The following SCARA3 variants were observed in gnomAD, a reference collection of about 807,000 sequenced individuals.
SCARA3 encodes scavenger receptor class A member 3.
A neutral mutation model predicts 47.0 loss-of-function variants in SCARA3; 39 were observed. That is an observed-to-expected ratio of 0.83 (90% CI 0.64 to 1.08). SCARA3 has a LOEUF of 1.08. SCARA3 is among the 50% of genes least tolerant of loss of function. SCARA3 has a pLI of 0.00. For missense variants in SCARA3, 724 were observed against 792.3 expected, an observed-to-expected ratio of 0.91 and a Z score of 1.04; for synonymous variants, 356 against 334.1, an observed-to-expected ratio of 1.07 and a Z score of -0.71.
At chr8:27,663,441 C>T (rs766585728) in intron 5 of SCARA3, among the ~76,000 whole-genome samples, 3 of 152,212 alleles carry the variant, frequency 2.0e-5, no homozygotes, top group Non-Finnish European at 4.4e-5. Context: ...CTTTATGTAA[C>T]TTATGTGTGC....
chr8:27,703,849 T>G, the SCARA3 span: 8 of 60,392 alleles, frequency 1.3e-4, no homozygotes, highest in African/African-American at 5.5e-4. Flanking sequence ...TTCTACTTTT[T>G]TTTTTTTTTT....
chr8:27,633,842 G>T, upstream of SCARA3: 1 of 153,448 alleles, frequency 6.5e-6, no homozygotes, highest in South Asian at 1.8e-4. Flanking sequence ...GGAGGGAGAG[G>T]GAGAGGAGAA....
chr8:27,725,221 A>C, the SCARA3 span, among the ~76,000 whole-genome samples: 1 of 152,306 alleles, frequency 6.6e-6, no homozygotes, highest in South Asian at 2.1e-4. Flanking sequence ...CATCAGAGAT[A>C]AAAGATATGA....
At chr8:27,727,680 T>C in the SCARA3 span, among the ~76,000 whole-genome samples, 1 of 152,224 alleles carries the variant, frequency 6.6e-6, no homozygotes, top group Non-Finnish European at 1.5e-5. Context: ...TTGTTTGGCC[T>C]ATACAATATT....
chr8:27,650,846 C>T (rs1422930672), intron 2 of SCARA3, among the ~76,000 whole-genome samples: 1 of 152,124 alleles, frequency 6.6e-6, no homozygotes, highest in African/African-American at 2.4e-5. Context: ...TTCTGGTTTG[C>T]CAGGGACTGA....
chr8:27,646,305 G>A (rs944076118), intron 1 of SCARA3, among the ~76,000 whole-genome samples: 7 of 152,182 alleles, frequency 4.6e-5, no homozygotes, highest in Admixed American at 6.5e-5. Context: ...GGAAAGCCTC[G>A]TTAGCAATTT....
At chr8:27,725,375 TTTATA>T in the SCARA3 span, among the ~76,000 whole-genome samples, 2 of 149,088 alleles carry the variant, frequency 1.3e-5, no homozygotes, top group Non-Finnish European at 1.5e-5. Context: ...ACATATAATA[TTTATA>T]TTATATTTAT....
At chr8:27,716,205 TG>T in the SCARA3 span, among the ~76,000 whole-genome samples, 1 of 152,082 alleles carries the variant, frequency 6.6e-6, no homozygotes, top group Non-Finnish European at 1.5e-5. Flanking sequence ...CCCAGCTACT[TG>T]GGAGGCTGAG....
chr8:27,679,201 A>ATACT (rs57559111), downstream of SCARA3, among the ~76,000 whole-genome samples: 18,286 of 150,894 alleles, frequency 0.12, 1,511 homozygotes, highest in East Asian at 0.25. Flanking sequence ...ATACCACAAT[A>ATACT]TACTTACTTA....
At position 27,671,419 on chromosome 8, in the gene SCARA3, A is replaced by G; in HGVS notation, c.*68A>G. 1 of 1,343,376 alleles carries G rather than the reference A, an allele frequency of 7.4e-7. No individual in the cohort carries two copies. The highest frequency in any genetic ancestry group is 9.5e-7 in the Non-Finnish European group (1 of 1,052,782). The allele number at this position is 1,343,376 out of a possible 1,614,324, so 83.2% of individuals were successfully genotyped here. A position where few individuals can be genotyped will look rare whatever the true frequency, so the allele number is the denominator to read the frequency against. Reference sequence around the variant, plus strand: ...GGCGCAGAGCAGATCCAGGCCCCAGAAAGCCTCACCTACAGACAGCTGTGG... The same window carrying G: ...GGCGCAGAGCAGATCCAGGCCCCAGGAAGCCTCACCTACAGACAGCTGTGG... On this transcript the variant is annotated 3_prime_UTR_variant, in exon 6 of 6. Coordinates refer to ENST00000301904, the MANE Select transcript of SCARA3 (RefSeq NM_016240.3).
chr8:27,643,283 GCAGC>G (rs1801421978), intron 1 of SCARA3, among the ~76,000 whole-genome samples: 1 of 152,202 alleles, frequency 6.6e-6, no homozygotes, highest in South Asian at 2.1e-4. Flanking sequence ...AGGGTGGGAG[GCAGC>G]CAAAGGGATT....
At chr8:27,696,779 C>A in the SCARA3 span, among the ~76,000 whole-genome samples, 1 of 152,024 alleles carries the variant, frequency 6.6e-6, no homozygotes, top group Non-Finnish European at 1.5e-5. Context: ...TGAGCCTGAC[C>A]AGTTTGTTTT....
At chr8:27,719,298 A>G in the SCARA3 span, among the ~76,000 whole-genome samples, 2 of 152,196 alleles carry the variant, frequency 1.3e-5, no homozygotes, top group East Asian at 1.9e-4. Flanking sequence ...CAAATACTGC[A>G]TGTTCTCACA....
rs577258964 is a variant in SCARA3, at chr8:27,660,330, A to C, written c.1369+791A>C. Among the ~76,000 whole-genome samples, 8 of 152,312 alleles carry C rather than the reference A, an allele frequency of 5.3e-5. No homozygotes were observed. In the East Asian group the frequency reaches 1.3e-3, roughly 26 times the overall value. On this transcript the variant is annotated intron_variant, in intron 5 of 5. Coordinates refer to ENST00000301904, the MANE Select transcript of SCARA3 (RefSeq NM_016240.3). Reference sequence around the variant, plus strand: ...AGAGAGATAGACCCAGAGAAACAGAATCAATAGTGTATAGAGATGATAGAT... The same window carrying C: ...AGAGAGATAGACCCAGAGAAACAGACTCAATAGTGTATAGAGATGATAGAT...
At position 27,660,799 on chromosome 8, in the gene SCARA3, G is replaced by A. The variant is rs150914552; in HGVS notation, c.1369+1260G>A. Among the ~76,000 whole-genome samples the A allele has an allele frequency of 1.5e-3, 227 of 151,412 alleles. 6 individuals are homozygous for A. The East Asian group carries it at 0.023, about 15-fold the overall frequency. ...TGATAGAAACAGAGATGATAGGGAT[G>A]AGATAGATAGAAAATAGATATAGAT... On this transcript the variant is annotated intron_variant, in intron 5 of 5. Coordinates refer to ENST00000301904, the MANE Select transcript of SCARA3 (RefSeq NM_016240.3).
chr8:27,670,698 G>A (rs570996299), intron 5 of SCARA3, among the ~76,000 whole-genome samples: 26 of 152,166 alleles, frequency 1.7e-4, no homozygotes, highest in Non-Finnish European at 3.5e-4. Context: ...GTGTGTGTGC[G>A]GAGCTTCTCG....
At chr8:27,730,217 A>C in the SCARA3 span, among the ~76,000 whole-genome samples, 1 of 152,234 alleles carries the variant, frequency 6.6e-6, no homozygotes, top group Admixed American at 6.5e-5. Context: ...TTCATCCTGT[A>C]ACTCTGTGTC....
At chr8:27,692,681 A>T in the SCARA3 span, among the ~76,000 whole-genome samples, 1 of 152,142 alleles carries the variant, frequency 6.6e-6, no homozygotes, top group Non-Finnish European at 1.5e-5. Context: ...GATTAAAAAA[A>T]ATTACAATCT....
chr8:27,699,167 C>A, the SCARA3 span, among the ~76,000 whole-genome samples: 5 of 151,718 alleles, frequency 3.3e-5, no homozygotes, highest in African/African-American at 1.2e-4. Flanking sequence ...TAGTGGGAAC[C>A]CAGGAGGCGG....
Sources: allele counts gnomAD v4.1 joint callset (sites outside exome capture counted in the v4.1 genomes callset), GRCh38; gene constraint gnomAD v4.1.1; transcripts MANE v1.5; gene names NCBI Gene and HGNC (gene_info 2026-07-23, HGNC 2026-07-21).